The following DIP2C variants were observed in gnomAD, a reference collection of about 807,000 sequenced individuals.
DIP2C encodes the protein DIP2 acetate--CoA ligase C (putative).
A neutral mutation model predicts 192.4 loss-of-function variants in DIP2C; 33 were observed. That is an observed-to-expected ratio of 0.17 (90% CI 0.13 to 0.23). The LOEUF (loss-of-function observed/expected upper bound fraction) is 0.23, where lower values mean the gene tolerates loss of function less well. Among genes scored for constraint, DIP2C ranks in the 10% least tolerant of loss-of-function variants. DIP2C has a pLI of 1.00. For missense variants in DIP2C, 1,537 were observed against 2,110.1 expected (o/e 0.73, Z 5.32); for synonymous variants, 979 against 864.1 (o/e 1.13, Z -2.33).
At position 404,441 on chromosome 10, in the gene DIP2C, C is replaced by A. The variant is rs148056161; in HGVS notation, c.1149+4485G>T. ...GGCCAGGCTGGTCTCAATCTCTTGA[C>A]CTAGTCATCTGCCCACCTCAGCCTC... is the stretch of plus-strand genomic sequence containing the variant. On this transcript the variant is annotated intron_variant, in intron 9 of 36. Coordinates refer to ENST00000280886, the MANE Select transcript of DIP2C (RefSeq NM_014974.3). 6.3e-4 allele frequency among the ~76,000 whole-genome samples: 96 copies of A among 152,298 alleles called. 1 individual carries two copies. In the East Asian group the frequency reaches 0.016, roughly 26 times the overall value.
At position 611,416 on chromosome 10, in the gene DIP2C, C is replaced by T. The variant is rs75793653; in HGVS notation, c.85+78078G>A. ...CCAGCAATGTTTTCCTTCTACCCAGCGGCCATCAAGGTCCCGCACTCTAGC... is the reference window on the plus strand; with the variant it reads ...CCAGCAATGTTTTCCTTCTACCCAGTGGCCATCAAGGTCCCGCACTCTAGC... On this transcript the variant is annotated intron_variant, in intron 1 of 36. Coordinates refer to ENST00000280886, the MANE Select transcript of DIP2C (RefSeq NM_014974.3). Among the ~76,000 whole-genome samples, 1,191 of 152,312 alleles carry T rather than the reference C, an allele frequency of 7.8e-3. 10 individuals are homozygous for T. Among genetic ancestry groups the T allele is most frequent in the African/African-American group, 0.027 (1,124 of 41,566 alleles).
intron 1 of DIP2C, among the ~76,000 whole-genome samples, chr10:555,926 T>TGCA (rs1163439097): frequency 2.0e-5 from 3 of 152,090 alleles, no homozygotes; most frequent in African/African-American, 4.8e-5. Context: ...TGCCCGGCCC[T>TGCA]GCAGCAGCAG....
chr10:645,581 T>C (rs985709620), intron 1 of DIP2C, among the ~76,000 whole-genome samples: 3 of 152,254 alleles, frequency 2.0e-5, no homozygotes, highest in African/African-American at 7.2e-5. Context: ...GGTGGTATTA[T>C]AAGTAATTTT....
At chr10:378,766 C>T (rs928648842) in intron 17 of DIP2C, among the ~76,000 whole-genome samples, 10 of 151,930 alleles carry the variant, frequency 6.6e-5, no homozygotes, top group African/African-American at 1.2e-4. Context: ...TGCCTAGACA[C>T]GTGAACACAC....
intron 1 of DIP2C, among the ~76,000 whole-genome samples, chr10:686,504 C>A (rs947001692): frequency 6.6e-6 from 1 of 152,230 alleles, no homozygotes; most frequent in Non-Finnish European, 1.5e-5. Context: ...TCCTTACCTG[C>A]ATGGCCTCCT....
chr10:597,430 T>C (rs542127278), intron 1 of DIP2C, among the ~76,000 whole-genome samples: 1 of 149,292 alleles, frequency 6.7e-6, no homozygotes, highest in South Asian at 2.1e-4. Context: ...AGTTTCCTTC[T>C]AGCCCCAATA....
chr10:284,029 C>T (rs559034323), intron 34 of DIP2C, among the ~76,000 whole-genome samples: 102 of 152,268 alleles, frequency 6.7e-4, no homozygotes, highest in African/African-American at 2.0e-3. Flanking sequence ...ACGTGGGTTA[C>T]GGAGAACCAT....
intron 5 of DIP2C, 42 bp from the exon 6 acceptor site, chr10:419,241 G>A (rs774729826): frequency 6.2e-7 from 1 of 1,612,966 alleles, no homozygotes; most frequent in Non-Finnish European, 8.5e-7. Flanking sequence ...TGGTTGTGAT[G>A]TTTGCTCTGA....
In DIP2C at chr10:302,652, G is replaced by A. The variant is rs78881718; in HGVS notation, c.3986+7379C>T. Among the ~76,000 whole-genome samples, 1,102 of 152,280 alleles carry A rather than the reference G, an allele frequency of 7.2e-3. 60 individuals are homozygous for A. The East Asian group carries it at 0.1, about 14-fold the overall frequency. ...ACACTGGGATGGGGTAGCCTCCTAC[G>A]CTCCTATGCTGTATGGTACGGCCAA... On this transcript the variant is annotated intron_variant, in intron 32 of 36. Transcript: ENST00000280886.
chr10:477,979 AAGT>A (rs1303504664), intron 2 of DIP2C, among the ~76,000 whole-genome samples: 7 of 72,948 alleles, frequency 9.6e-5, no homozygotes, highest in Non-Finnish European at 1.8e-4. Context: ...AGGGAACAGA[AAGT>A]AGAAGAGAAG....
intron 9 of DIP2C, among the ~76,000 whole-genome samples, chr10:404,411 A>AT (rs1964660683): frequency 6.6e-6 from 1 of 152,124 alleles, no homozygotes; most frequent in African/African-American, 2.4e-5. Context: ...GGGTTTCACC[A>AT]TGTTGGCCAG....
At chr10:304,441 C>T (rs1028594848) in intron 32 of DIP2C, among the ~76,000 whole-genome samples, 1 of 152,276 alleles carries the variant, frequency 6.6e-6, no homozygotes, top group East Asian at 1.9e-4. Context: ...GACAGCCCAG[C>T]TCTCAGTCTG....
intron 29 of DIP2C, among the ~76,000 whole-genome samples, chr10:333,288 TAATAA>T (rs1429700998): frequency 1.3e-5 from 2 of 152,248 alleles, no homozygotes; most frequent in East Asian, 3.8e-4. Context: ...GAATGGCTTT[TAATAA>T]AATTGAAGAG....
At chr10:513,356 A>C (rs1211693963) in intron 1 of DIP2C, among the ~76,000 whole-genome samples, 2 of 152,264 alleles carry the variant, frequency 1.3e-5, no homozygotes, top group African/African-American at 2.4e-5. Context: ...CCAGATGATC[A>C]GTTTTTAAAA....
intron 18 of DIP2C, 118 bp downstream of exon 18, chr10:369,376 T>C: frequency 7.8e-7 from 1 of 1,278,054 alleles, no homozygotes; most frequent in Non-Finnish European, 1.0e-6. Flanking sequence ...GGAGTGAGGC[T>C]CTCAGCCTGA....
At chr10:645,750 A>G (rs997175579) in intron 1 of DIP2C, among the ~76,000 whole-genome samples, 3 of 152,202 alleles carry the variant, frequency 2.0e-5, no homozygotes, top group African/African-American at 7.2e-5. Flanking sequence ...GAATATGTTG[A>G]TAACGTTTAT....
chr10:415,203 T>A (rs538968869), intron 7 of DIP2C, among the ~76,000 whole-genome samples: 9 of 152,318 alleles, frequency 5.9e-5, no homozygotes, highest in African/African-American at 1.9e-4. Flanking sequence ...TGGAACAGAC[T>A]TGTCTGTCAC....
chr10:450,109 C>T (rs1968734527), intron 3 of DIP2C, among the ~76,000 whole-genome samples: 1 of 152,178 alleles, frequency 6.6e-6, no homozygotes, highest in East Asian at 1.9e-4. Context: ...AGCTTCACGT[C>T]CACTCCATGT....
intron 1 of DIP2C, among the ~76,000 whole-genome samples, chr10:534,715 G>GCCGGACT (rs1303401054): frequency 6.6e-6 from 1 of 150,520 alleles, no homozygotes; most frequent in African/African-American, 2.5e-5. Flanking sequence ...TGTCGCCCAG[G>GCCGGACT]CCGGACTGCG....
Sources: allele counts gnomAD v4.1 joint callset (sites outside exome capture counted in the v4.1 genomes callset), GRCh38; gene constraint gnomAD v4.1.1; transcripts MANE v1.5; gene names NCBI Gene and HGNC (gene_info 2026-07-23, HGNC 2026-07-21).